The following ANKRD17 variants were observed in gnomAD, a reference collection of about 807,000 sequenced individuals.
ANKRD17 encodes ankyrin repeat domain 17.
In ANKRD17, 19 loss-of-function variants were observed where a neutral mutation model predicts 229.7. That is an observed-to-expected ratio of 0.08 (90% CI 0.06 to 0.12). The LOEUF is 0.12. Among genes scored for constraint, ANKRD17 ranks in the 10% least tolerant of loss-of-function variants. ANKRD17 has a pLI of 1.00. For synonymous variants in ANKRD17, 1,112 were observed against 1,146.1 expected (o/e 0.97, Z 0.60); for missense variants, 2,176 against 3,176.8 (o/e 0.68, Z 7.57).
chr4:73,183,083 A>G (rs1157589925), intron 1 of ANKRD17, among the ~76,000 whole-genome samples: 1 of 152,222 alleles, frequency 6.6e-6, no homozygotes, highest in Non-Finnish European at 1.5e-5. Context: ...AGCAAAACTG[A>G]CCATTTCCTT....
In ANKRD17 at chr4:73,199,221, C is replaced by CTGTGTGTGTGTGTG. The variant is rs10577503; in HGVS notation, c.394-21702_394-21689dup. On this transcript the variant is annotated intron_variant, in intron 1 of 33. Coordinates refer to ENST00000358602, the MANE Select transcript of ANKRD17 (RefSeq NM_032217.5). ...CAGGCTGCGAAAACATACAGTTTGGCTGTGTGTGTGTGTGTGTGTGTGTGT... is the reference window on the plus strand; with the variant it reads ...CAGGCTGCGAAAACATACAGTTTGGCTGTGTGTGTGTGTGTGTGTGTGTGTGTGTGTGTGTGTGT... Among the ~76,000 whole-genome samples, 7 of 140,474 alleles carry CTGTGTGTGTGTGTG rather than the reference C, an allele frequency of 5.0e-5. No individual in the cohort carries two copies. The East Asian group carries it at 1.1e-3, about 21-fold the overall frequency. 92.2% of individuals were successfully genotyped at this position (140,474 alleles called of 152,430 possible).
chr4:73,139,410 G>T, intron 15 of ANKRD17, 121 bp downstream of exon 15: 1 of 1,153,612 alleles, frequency 8.7e-7, no homozygotes, highest in Non-Finnish European at 1.2e-6. Context: ...TACTTCTAAA[G>T]CTAGACATGA....
intron 2 of ANKRD17, among the ~76,000 whole-genome samples, chr4:73,166,223 C>T (rs1733208277): frequency 6.6e-6 from 1 of 152,188 alleles, no homozygotes; most frequent in East Asian, 1.9e-4. Context: ...GATCACCAGA[C>T]ATCTGAAGAA....
intron 16 of ANKRD17, among the ~76,000 whole-genome samples, chr4:73,134,789 T>G (rs1014773273): frequency 3.3e-5 from 5 of 152,164 alleles, no homozygotes; most frequent in African/African-American, 1.2e-4. Context: ...CATTATATAT[T>G]TCAAACCATA....
intron 1 of ANKRD17, among the ~76,000 whole-genome samples, chr4:73,241,873 A>T (rs954461580): frequency 9.8e-5 from 15 of 152,306 alleles, no homozygotes; most frequent in Admixed American, 1.3e-4. Context: ...ATCTTTTATT[A>T]CAATTCACCA....
intron 1 of ANKRD17, among the ~76,000 whole-genome samples, chr4:73,245,818 A>C (rs1256754112): frequency 6.6e-6 from 1 of 152,186 alleles, no homozygotes; most frequent in Non-Finnish European, 1.5e-5. Context: ...CTGGTTTCCA[A>C]AACTTAGGAC....
chr4:73,135,541 A>T (rs112283431), intron 15 of ANKRD17, among the ~76,000 whole-genome samples: 130 of 152,286 alleles, frequency 8.5e-4, no homozygotes, highest in African/African-American at 2.9e-3. Context: ...ATAACCCTGA[A>T]AACAAAAATG....
At chr4:73,082,857 G>C (rs1160389679) in intron 30 of ANKRD17, among the ~76,000 whole-genome samples, 1 of 152,052 alleles carries the variant, frequency 6.6e-6, no homozygotes, top group Non-Finnish European at 1.5e-5. Context: ...AAGTTATTGA[G>C]ATAACTGATG....
intron 7 of ANKRD17, among the ~76,000 whole-genome samples, 185 bp from the exon 8 acceptor site, chr4:73,149,235 G>A (rs1056489095): frequency 6.6e-6 from 1 of 151,976 alleles, no homozygotes; most frequent in Admixed American, 6.6e-5. Context: ...TAACATAGAA[G>A]AGGGAAATAG....
At chr4:73,129,845 C>A (rs1190618312) in intron 16 of ANKRD17, among the ~76,000 whole-genome samples, 1 of 150,806 alleles carries the variant, frequency 6.6e-6, no homozygotes, top group Non-Finnish European at 1.5e-5. Flanking sequence ...TCACTGCAAG[C>A]TCCGTCTCCC....
rs769716842 is a variant in ANKRD17, at chr4:73,258,426, T to A, written c.243A>T (p.Arg81=). ...TGCTGCTTTCGCTGCTGCTGGGGGG[T>A]CGGCAAGTCCGGTTACGCTTGGCCT... is the stretch of plus-strand genomic sequence containing the variant. ...HHKAKRNRTC[R]PPSSSESSSD... Residue 81 remains arginine, a synonymous_variant, in exon 1 of 34, where the codon CGA becomes CGT. Transcript: ENST00000358602. 10 of 1,605,910 alleles carry A rather than the reference T, an allele frequency of 6.2e-6. No individual in the cohort carries two copies. Among genetic ancestry groups the A allele is most frequent in the Non-Finnish European group, 8.5e-6 (10 of 1,178,274 alleles).
intron 32 of ANKRD17, 38 bp downstream of exon 32, chr4:73,077,317 T>C (rs2110080788): frequency 6.5e-7 from 1 of 1,545,138 alleles, no homozygotes; most frequent in Non-Finnish European, 8.7e-7. Context: ...TCTCAGAAAA[T>C]CCTCCCTTAA....
chr4:73,127,240 G>A (rs1240280829), intron 16 of ANKRD17, among the ~76,000 whole-genome samples: 1 of 152,112 alleles, frequency 6.6e-6, no homozygotes, highest in Non-Finnish European at 1.5e-5. Flanking sequence ...AAACCAAAAT[G>A]ATTTGATCAC....
At position 73,258,558 on chromosome 4, in the gene ANKRD17, G is replaced by A; in HGVS notation, c.111C>T (p.Gly37=). The stretch of plus-strand genomic sequence containing the variant: ...GAGCTCTGCTGCTGCCGCCAACGCC[G>A]CCGCCGACCTCCGCCGCCGCGGGGG... ...AGPPAAAEVG[G]GVGGSSRARS... is the part of the protein sequence containing the mutation. Residue 37 remains glycine, a synonymous_variant, in exon 1 of 34, where the codon GGC becomes GGT. Transcript: ENST00000358602. 2.0e-6 allele frequency: 3 copies of A among 1,465,632 alleles called. No homozygotes were observed. The highest frequency in any genetic ancestry group is 1.5e-5 in the African/African-American group (1 of 67,594). The allele number at this position is 1,465,632 out of a possible 1,614,324, so 90.8% of individuals were successfully genotyped here. A position where few individuals can be genotyped will look rare whatever the true frequency, so the allele number is the denominator to read the frequency against.
chr4:73,141,631 T>C (rs1466003434), intron 14 of ANKRD17, 110 bp downstream of exon 14: 2 of 1,005,420 alleles, frequency 2.0e-6, no homozygotes, highest in African/African-American at 3.3e-5. Context: ...GTTAAAAATT[T>C]AGTAATGCCA....
intron 24 of ANKRD17, chr4:73,113,221 A>G: frequency 7.8e-7 from 1 of 1,288,752 alleles, no homozygotes; most frequent in Non-Finnish European, 1.0e-6. Context: ...AGAAAAGGGA[A>G]GTGAAGAAGC....
chr4:73,155,510 G>A (rs530059652), intron 5 of ANKRD17, 121 bp downstream of exon 5: 1 of 1,033,346 alleles, frequency 9.7e-7, no homozygotes, highest in East Asian at 2.6e-5. Flanking sequence ...AGATGTGTGA[G>A]AATATGTAGC....
chr4:73,133,386 C>T (rs941040288), intron 16 of ANKRD17, among the ~76,000 whole-genome samples: 3 of 140,588 alleles, frequency 2.1e-5, no homozygotes, highest in Non-Finnish European at 3.0e-5. Context: ...ATGAATGTCT[C>T]GTGTTTTTTT....
chr4:73,188,895 T>C (rs1736651509), intron 1 of ANKRD17, among the ~76,000 whole-genome samples: 1 of 152,118 alleles, frequency 6.6e-6, no homozygotes, highest in Non-Finnish European at 1.5e-5. Flanking sequence ...AGCACATCTA[T>C]GAATCAATAA....
Sources: gnomAD v4.1 joint callset for allele counts (sites outside exome capture counted in the v4.1 genomes callset) on GRCh38, gnomAD v4.1.1 for gene constraint, MANE v1.5 for transcripts, NCBI Gene and HGNC (gene_info 2026-07-23, HGNC 2026-07-21) for gene names.